PLD2: variants seen among roughly 807,000 people sequenced by gnomAD.
PLD2 encodes the protein phospholipase D2.
In PLD2, 101 loss-of-function variants were observed where a neutral mutation model predicts 119.8. The ratio of observed to expected loss-of-function variants is 0.84; its 90% CI spans 0.72 to 0.99. The LOEUF is 0.99. Ranked by LOEUF, PLD2 falls within the 50% of genes least tolerant of loss-of-function variation. The pLI is 0.00. For synonymous variants in PLD2, 494 were observed against 482.8 expected (o/e 1.02, Z -0.30); for missense variants, 1,164 against 1,226.8 (o/e 0.95, Z 0.76).
chr17:4,808,540 C>A lies in PLD2; in HGVS notation c.383+124C>A. 2 of 883,242 alleles carry A rather than the reference C, an allele frequency of 2.3e-6. No individual in the cohort carries two copies. Among genetic ancestry groups the A allele is most frequent in the Non-Finnish European group, 3.6e-6 (2 of 562,680 alleles). The allele number at this position is 883,242 out of a possible 1,614,324, so 54.7% of individuals were successfully genotyped here. On this transcript the variant is annotated intron_variant, in intron 4 of 24. Transcript: ENST00000263088. The surrounding 1 kb of genome is among the most constrained non-coding windows in gnomAD (Gnocchi z 4.1). ...CTGGCCACTGTGCTGCCTCCCCTGACCCCAGTTACCAGGAAACTTTCCCTG... is the reference window on the plus strand; with the variant it reads ...CTGGCCACTGTGCTGCCTCCCCTGAACCCAGTTACCAGGAAACTTTCCCTG...
At chr17:4,809,025 C>T in intron 4 of PLD2, 75 bp from the exon 5 acceptor site, 1 of 1,152,610 alleles carries the variant, frequency 8.7e-7, no homozygotes, top group African/African-American at 1.5e-5. Context: ...CTCCGAGCCC[C>T]ATCTCCAGTG....
rs752760952 is a variant in PLD2 at position 4,822,851 on chromosome 17, A to G, written c.2789A>G (p.Glu930Gly). Residue 930 changes from glutamate (E) to glycine (G), a missense_variant, in exon 25 of 25, where the codon GAA becomes GGA. By Grantham distance (98) the Glu-to-Gly change is moderately conservative. Coordinates refer to ENST00000263088, the MANE Select transcript of PLD2 (RefSeq NM_002663.5). ...LGSKEGMIPLEVWT is the reference protein window; with the variant it reads ...LGSKEGMIPLGVWT ...AGCAAGGAGGGCATGATCCCCCTAG[A>G]AGTGTGGACATAGTTGAGGCCCCCG... 3.1e-6 allele frequency: 5 copies of G among 1,599,074 alleles called. No individual in the cohort carries two copies. The highest frequency in any genetic ancestry group is 4.3e-6 in the Non-Finnish European group (5 of 1,167,102).
chr17:4,811,066 G>T (rs2302326), intron 10 of PLD2, 115 bp downstream of exon 10: 1 of 947,442 alleles, frequency 1.1e-6, no homozygotes, highest in Non-Finnish European at 1.5e-6. Context: ...TCAATGACCC[G>T]CCCCGTGACT....
At chr17:4,820,687 C>T (rs1189123007) in intron 23 of PLD2, among the ~76,000 whole-genome samples, 4 of 148,810 alleles carry the variant, frequency 2.7e-5, no homozygotes, top group African/African-American at 9.9e-5. Flanking sequence ...TGCCATTCTC[C>T]TGCCTCAGCC....
chr17:4,812,048 C>T (rs902824303), intron 10 of PLD2, among the ~76,000 whole-genome samples: 6 of 151,284 alleles, frequency 4.0e-5, no homozygotes, highest in African/African-American at 1.5e-4. Flanking sequence ...CTCCTGGGCT[C>T]AAGGGATCAT....
At position 4,816,547 on chromosome 17, in the gene PLD2, C is replaced by A. The variant is rs567148692; in HGVS notation, c.1456-73C>A. ...GGTCTCTCTCACTCTTTCAGTGCTC[C>A]TCTCTTTGGCCCTGGCTCTGTACAG... On this transcript the variant is annotated intron_variant, in intron 14 of 24. Transcript: ENST00000263088. 7.2e-5 allele frequency: 107 copies of A among 1,483,718 alleles called. No homozygotes were observed. In the African/African-American group the frequency reaches 1.2e-3, roughly 17 times the overall value. 91.9% of individuals were successfully genotyped at this position (1,483,718 alleles called of 1,614,324 possible).
chr17:4,808,230 G>C lies in PLD2; in HGVS notation c.241-44G>C. The C allele has an allele frequency of 6.2e-7, 1 of 1,605,014 alleles. No individual in the cohort carries two copies. The highest frequency in any genetic ancestry group is 1.1e-5 in the South Asian group (1 of 90,378). ...GAGGGCTGGCCAGAGTGGGGAGGCGGGGACCCACGCAGGGGACATCCATTC... is the reference window on the plus strand; with the variant it reads ...GAGGGCTGGCCAGAGTGGGGAGGCGCGGACCCACGCAGGGGACATCCATTC... On this transcript the variant is annotated intron_variant, in intron 3 of 24. Coordinates refer to ENST00000263088, the MANE Select transcript of PLD2 (RefSeq NM_002663.5). This position sits in a 1 kb window ranked among gnomAD's most constrained non-coding sequence, Gnocchi z 4.1.
chr17:4,814,752 G>A (rs775366627), intron 12 of PLD2, 41 bp downstream of exon 12: 3 of 1,561,190 alleles, frequency 1.9e-6, no homozygotes, highest in East Asian at 4.5e-5. Flanking sequence ...GGGGTTGCCT[G>A]TGGGTGGAGG....
At chr17:4,818,867 G>T in intron 21 of PLD2, 44 bp downstream of exon 21, 1 of 1,597,062 alleles carries the variant, frequency 6.3e-7, no homozygotes, top group Non-Finnish European at 8.6e-7. Flanking sequence ...GCCCCTGGGA[G>T]AGGGAGATTG....
In PLD2 at chr17:4,817,138, C is replaced by G. The variant is rs1353717421; in HGVS notation, c.1702-8C>G. On this transcript the variant is annotated splice_region_variant and splice_polypyrimidine_tract_variant and intron_variant, in intron 16 of 24. Transcript: ENST00000263088. ...CCTCCTGCTGACTCTGCCATCCCTC[C>G]ACGTCAGACCACCAAGGCCAAGTAC... The G allele has an allele frequency of 6.2e-7, 1 of 1,606,750 alleles. No homozygotes were observed. Among genetic ancestry groups the G allele is most frequent in the Non-Finnish European group, 8.5e-7 (1 of 1,173,174 alleles).
chr17:4,816,120 G>A lies in PLD2; in HGVS notation c.1455+186G>A, dbSNP rs183778682. On this transcript the variant is annotated intron_variant, in intron 14 of 24. Transcript: ENST00000263088. ...TAACTGGCCGGGAGCCATGGCTTATGCCTGTAATCCCAGCACTTTGGGAGG... is the reference window on the plus strand; with the variant it reads ...TAACTGGCCGGGAGCCATGGCTTATACCTGTAATCCCAGCACTTTGGGAGG... 5.5e-3 allele frequency among the ~76,000 whole-genome samples: 835 copies of A among 152,242 alleles called. 7 individuals are homozygous for A. The highest frequency in any genetic ancestry group is 0.012 in the African/African-American group (503 of 41,542).
rs142690419 is a variant in PLD2, at chr17:4,821,834, G to C, written c.2504G>C (p.Arg835Pro). ...GANTRPDLDL[R>P]DPICDDFFQL... ...AATACCCGGCCAGACTTGGATCTCC[G>C]AGACCCCATCTGTGATGACTTCTTC... Residue 835 changes from arginine to proline, a missense_variant, in exon 24 of 25, where the codon CGA becomes CCA. Arg to Pro is a moderately radical substitution (Grantham distance 103). Transcript: ENST00000263088. 2 of 1,614,044 alleles carry C rather than the reference G, an allele frequency of 1.2e-6. No homozygotes were observed. Among genetic ancestry groups the C allele is most frequent in the East Asian group, 2.2e-5 (1 of 44,890 alleles).
At chr17:4,817,351 C>G in intron 17 of PLD2, 92 bp downstream of exon 17, 1 of 865,210 alleles carries the variant, frequency 1.2e-6, no homozygotes, top group South Asian at 1.3e-5. Flanking sequence ...TGCCCACACT[C>G]TCCTTTCCTG....
intron 23 of PLD2, among the ~76,000 whole-genome samples, chr17:4,820,963 C>T (rs1291564383): frequency 2.7e-5 from 4 of 149,610 alleles, no homozygotes; most frequent in South Asian, 4.2e-4. Context: ...AGTGCAGTGG[C>T]GCGATCTCGG....
At chr17:4,811,088 C>G (rs1906416294) in intron 10 of PLD2, 137 bp downstream of exon 10, 2 of 819,792 alleles carry the variant, frequency 2.4e-6, no homozygotes, top group Admixed American at 5.9e-5. Context: ...CTTTAATCTT[C>G]CTGACCTTTG....
At chr17:4,821,257 G>T (rs946233693) in intron 23 of PLD2, among the ~76,000 whole-genome samples, 2 of 151,740 alleles carry the variant, frequency 1.3e-5, no homozygotes, top group Non-Finnish European at 2.9e-5. Flanking sequence ...ATTGGGGAAA[G>T]AACAGAAAAA....
rs577159240 is a variant in PLD2, at chr17:4,818,973, A to G, written c.2174-111A>G. The G allele has an allele frequency of 2.0e-6, 3 of 1,525,414 alleles. No individual in the cohort carries two copies. In the African/African-American group the frequency reaches 4.1e-5, roughly 21 times the overall value. 94.5% of individuals were successfully genotyped at this position (1,525,414 alleles called of 1,614,324 possible). On this transcript the variant is annotated intron_variant, in intron 21 of 24. Transcript: ENST00000263088. ...TAGCTGGCCTTTCACTGCAGGGAGA[A>G]GGAGAGAGACCAGACTCTATGTAGG...
intron 24 of PLD2, 133 bp downstream of exon 24, chr17:4,822,040 A>G (rs1208042145): frequency 3.2e-6 from 2 of 624,532 alleles, no homozygotes; most frequent in East Asian, 2.9e-5. Flanking sequence ...GACATTTGCT[A>G]TCAAGAGATT....
chr17:4,815,489 G>C lies in PLD2; in HGVS notation c.1187G>C (p.Arg396Pro). ...ACTCACCACCAGGAGGAGGGTGTCC[G>C]TGTGTCTATTCTGCTGTTTAAAGAA... ...MLKRKAEEGV[R>P]VSILLFKEVE... Residue 396 changes from arginine (R) to proline (P), a missense_variant, in exon 13 of 25, where the codon CGT (arginine) becomes CCT (proline). By Grantham distance (103) the Arg-to-Pro change is moderately radical (BLOSUM62 -2). Transcript: ENST00000263088. The C allele has an allele frequency of 6.2e-7, 1 of 1,609,436 alleles. No individual in the cohort carries two copies. The highest frequency in any genetic ancestry group is 8.5e-7 in the Non-Finnish European group (1 of 1,175,808).
Sources: allele counts gnomAD v4.1 joint callset (sites outside exome capture counted in the v4.1 genomes callset), GRCh38; gene constraint gnomAD v4.1.1; non-coding constraint Gnocchi (gnomAD v3.1); transcripts MANE v1.5; gene names NCBI Gene and HGNC (gene_info 2026-07-23, HGNC 2026-07-21).